PALLD: variants seen among roughly 807,000 people sequenced by gnomAD.
The protein encoded by PALLD is palladin, cytoskeletal associated protein.
A neutral mutation model predicts 123.5 loss-of-function variants in PALLD; 61 were observed. The ratio of observed to expected loss-of-function variants is 0.49; its 90% CI spans 0.40 to 0.61. The LOEUF (loss-of-function observed/expected upper bound fraction) is 0.61, where lower values mean the gene tolerates loss of function less well. Among genes scored for constraint, PALLD ranks in the 20% least tolerant of loss-of-function variants. PALLD has a pLI of 0.00. For synonymous variants in PALLD, 465 were observed against 496.4 expected (o/e 0.94, Z 0.84); for missense variants, 1,273 against 1,377.0 (o/e 0.92, Z 1.20).
At chr4:168,684,758 G>A (rs889006983) in intron 5 of PALLD, among the ~76,000 whole-genome samples, 7 of 152,084 alleles carry the variant, frequency 4.6e-5, no homozygotes, top group East Asian at 1.9e-4. Context: ...CATCTCTACC[G>A]CTCTGCCACA....
intron 2 of PALLD, among the ~76,000 whole-genome samples, chr4:168,578,811 T>TAA (rs149159855): frequency 2.6e-5 from 4 of 151,368 alleles, no homozygotes; most frequent in South Asian, 4.2e-4. Flanking sequence ...TCCCAGTGCT[T>TAA]AAAAAAAAAC....
chr4:168,796,415 G>A (rs1471225369), intron 10 of PALLD, among the ~76,000 whole-genome samples: 1 of 152,172 alleles, frequency 6.6e-6, no homozygotes, highest in Non-Finnish European at 1.5e-5. Flanking sequence ...CATTCAGTTT[G>A]GCTGTTTCAC....
chr4:168,584,670 T>G (rs900820096), intron 2 of PALLD, among the ~76,000 whole-genome samples: 35 of 152,210 alleles, frequency 2.3e-4, no homozygotes, highest in Non-Finnish European at 4.3e-4. Flanking sequence ...ATCTGTGGTT[T>G]GTTTCTGCCA....
In PALLD at chr4:168,926,488, A is replaced by C; in HGVS notation, c.*308A>C. The stretch of plus-strand genomic sequence containing the variant: ...AAGGCAGAAACATACCTTTGACTAT[A>C]AGAAATTAAAAAAAAAACACCAAAA... On this transcript the variant is annotated 3_prime_UTR_variant, in exon 22 of 22. Transcript: ENST00000505667. 1 of 681,892 alleles carries C rather than the reference A, an allele frequency of 1.5e-6. No homozygotes were observed. Among genetic ancestry groups the C allele is most frequent in the Non-Finnish European group, 2.1e-6 (1 of 475,998 alleles). The allele number at this position is 681,892 out of a possible 1,614,324, so 42.2% of individuals were successfully genotyped here.
chr4:168,563,874 A>T (rs1251218499), intron 2 of PALLD, among the ~76,000 whole-genome samples: 1 of 152,208 alleles, frequency 6.6e-6, no homozygotes, highest in Non-Finnish European at 1.5e-5. Flanking sequence ...AAACTTATTC[A>T]TATGAATTTA....
At chr4:168,898,259 C>G (rs1755690270) in intron 13 of PALLD, 1 of 550,696 alleles carries the variant, frequency 1.8e-6, no homozygotes, top group African/African-American at 1.9e-5. Context: ...AAAAATTCAT[C>G]TTTCCTACCC....
intron 2 of PALLD, among the ~76,000 whole-genome samples, chr4:168,655,417 C>G (rs1778461721): frequency 6.6e-6 from 1 of 152,150 alleles, no homozygotes; most frequent in African/African-American, 2.4e-5. Context: ...CCTCAGAGAC[C>G]ACACTAGCCA....
chr4:168,620,180 G>A (rs770704521), intron 2 of PALLD, among the ~76,000 whole-genome samples: 38 of 152,282 alleles, frequency 2.5e-4, no homozygotes, highest in Non-Finnish European at 4.6e-4. Flanking sequence ...TATCTGGCTG[G>A]GCCCAGTGGC....
rs538581651 is a variant in PALLD, at chr4:168,609,132, A to G, written c.909-59058A>G. On this transcript the variant is annotated intron_variant, in intron 2 of 21. Coordinates refer to ENST00000505667, the MANE Select transcript of PALLD (RefSeq NM_001166108.2). ...TTCAGACGCTGTGGCTCGGGTCAAGATACATATTAGCCAGAATTATGTTTA... is the reference window on the plus strand; with the variant it reads ...TTCAGACGCTGTGGCTCGGGTCAAGGTACATATTAGCCAGAATTATGTTTA... 2.3e-4 allele frequency among the ~76,000 whole-genome samples: 35 copies of G among 152,198 alleles called. No homozygotes were observed. The South Asian group carries it at 7.3e-3, about 32-fold the overall frequency.
At chr4:168,818,196 C>T (rs191972151) in intron 10 of PALLD, among the ~76,000 whole-genome samples, 16 of 152,154 alleles carry the variant, frequency 1.1e-4, no homozygotes, top group Admixed American at 1.0e-3. Context: ...TAAAATGAGA[C>T]ACAGTGTTAT....
chr4:168,774,873 T>G (rs968932413), intron 10 of PALLD, among the ~76,000 whole-genome samples: 1 of 152,202 alleles, frequency 6.6e-6, no homozygotes, highest in African/African-American at 2.4e-5. Flanking sequence ...GTCTTCATTT[T>G]CTAAGGTTTT....
chr4:168,635,283 T>A (rs1776230038), intron 2 of PALLD, among the ~76,000 whole-genome samples: 1 of 152,226 alleles, frequency 6.6e-6, no homozygotes, highest in South Asian at 2.1e-4. Context: ...TCTTTTCCAA[T>A]GCCAGAATGG....
At chr4:168,843,878 T>G (rs1170906890) in intron 10 of PALLD, 1 of 152,190 alleles carries the variant, frequency 6.6e-6, no homozygotes, top group Non-Finnish European at 1.5e-5. Flanking sequence ...TGAACTTCCG[T>G]GCCAAATTTA....
At chr4:168,700,804 A>G (rs1783600596) in intron 8 of PALLD, 1 of 152,252 alleles carries the variant, frequency 6.6e-6, no homozygotes, top group African/African-American at 2.4e-5. Flanking sequence ...TCAAGGCTGC[A>G]GTGAGCTATG....
chr4:168,902,098 T>G (rs1756647446), intron 14 of PALLD, among the ~76,000 whole-genome samples: 1 of 152,220 alleles, frequency 6.6e-6, no homozygotes, highest in African/African-American at 2.4e-5. Context: ...TTTCTGGTCT[T>G]TTCCTTTCTT....
Position 168,711,704 on chromosome 4 carries a change from C to A in PALLD, c.1745C>A (p.Ser582Tyr), listed in dbSNP as rs776373716. 6.2e-6 allele frequency: 10 copies of A among 1,614,020 alleles called. No homozygotes were observed. The highest frequency in any genetic ancestry group is 1.3e-5 in the African/African-American group (1 of 74,926). Reference protein sequence around the residue: ...SSLELASKKPSEIQQVNNPEL... With the variant: ...SSLELASKKPYEIQQVNNPEL... ...TTGGAGTTGGCTTCAAAGAAACCAT[C>A]TGAGATCCAGCAGGTGAACAACCCT... The change falls in exon 10 of 22, where the codon TCT (serine) becomes TAT (tyrosine). Residue 582 changes from serine (S) to tyrosine (Y), a missense_variant. Physicochemically the swap from Ser to Tyr is moderately radical, Grantham distance 144. This residue lies in a region of PALLD where 944 missense variants were observed against 954.5 expected (regional missense o/e 0.99). Coordinates refer to ENST00000505667, the MANE Select transcript of PALLD (RefSeq NM_001166108.2).
chr4:168,804,159 T>A lies in PALLD; in HGVS notation c.1965-86763T>A, dbSNP rs113447454. Among the ~76,000 whole-genome samples, 304 of 152,318 alleles carry A rather than the reference T, an allele frequency of 2.0e-3. 1 individual carries two copies. The highest frequency in any genetic ancestry group is 7.0e-3 in the African/African-American group (290 of 41,570). On this transcript the variant is annotated intron_variant, in intron 10 of 21. Transcript: ENST00000505667. The stretch of plus-strand genomic sequence containing the variant: ...CAGGTTGAAAATGTATCCTCACAGA[T>A]TTAATTTTTCTTATAAAAGAAAGAG...
At chr4:168,808,236 T>C (rs1254837758) in intron 10 of PALLD, among the ~76,000 whole-genome samples, 1 of 151,266 alleles carries the variant, frequency 6.6e-6, no homozygotes, top group Non-Finnish European at 1.5e-5. Context: ...ATCCCAGCAA[T>C]TTGGGAGGCT....
intron 10 of PALLD, among the ~76,000 whole-genome samples, chr4:168,834,417 A>G (rs1446533902): frequency 6.6e-6 from 1 of 152,102 alleles, no homozygotes. Context: ...AGCTCTAGAT[A>G]GTTTTTAGTT....
Sources: gnomAD v4.1 joint callset for allele counts (sites outside exome capture counted in the v4.1 genomes callset) on GRCh38, gnomAD v4.1.1 for gene constraint, gnomAD v4.1.1 regional missense constraint, MANE v1.5 for transcripts, NCBI Gene and HGNC (gene_info 2026-07-23, HGNC 2026-07-21) for gene names.